POLB: variants seen among roughly 807,000 people sequenced by gnomAD.
POLB encodes DNA polymerase beta, also known as 5'-dRP lyase.
POLB carries 37 observed loss-of-function variants against 52.7 expected under a neutral mutation model. The observed-to-expected ratio is 0.70, with a 90% confidence interval of 0.54 to 0.92. The LOEUF is 0.92. POLB is among the 40% of genes least tolerant of loss of function. POLB has a pLI of 0.00. For synonymous variants in POLB, 138 were observed against 131.3 expected (o/e 1.05, Z -0.35); for missense variants, 313 against 400.8 (o/e 0.78, Z 1.87).
intron 4 of POLB, among the ~76,000 whole-genome samples, chr8:42,349,612 T>G (rs1822847215): frequency 1.3e-5 from 2 of 152,146 alleles, no homozygotes; most frequent in Admixed American, 6.5e-5. Flanking sequence ...ATGGTCTCGA[T>G]CTCCTGACCT....
chr8:42,342,723 A>G, intron 2 of POLB: 3 of 412,182 alleles, frequency 7.3e-6, no homozygotes, highest in South Asian at 7.1e-5. Context: ...GGCCAGGCAC[A>G]GTGGCTCACG....
intron 3 of POLB, among the ~76,000 whole-genome samples, chr8:42,346,732 CATT>C (rs1320186798): frequency 6.6e-6 from 1 of 152,102 alleles, no homozygotes; most frequent in African/African-American, 2.4e-5. Context: ...AGAGTCATAA[CATT>C]ACCATAAATC....
chr8:42,346,627 C>T (rs1056132828), intron 3 of POLB, among the ~76,000 whole-genome samples: 1 of 152,026 alleles, frequency 6.6e-6, no homozygotes, highest in Non-Finnish European at 1.5e-5. Flanking sequence ...CTCTTGGGCT[C>T]AAGTGATCCT....
intron 4 of POLB, 27 bp from the exon 5 acceptor site, chr8:42,349,980 A>C (rs768988358): frequency 6.6e-7 from 1 of 1,512,018 alleles, no homozygotes; most frequent in Non-Finnish European, 9.2e-7. Flanking sequence ...TTCCTAAATC[A>C]TTGTTAGACT....
chr8:42,352,540 T>G lies in POLB; in HGVS notation c.342T>G (p.Phe114Leu). The G allele has an allele frequency of 6.2e-7, 1 of 1,602,626 alleles. No homozygotes were observed. The highest frequency in any genetic ancestry group is 8.5e-7 in the Non-Finnish European group (1 of 1,169,608). Residue 114 changes from phenylalanine (F) to leucine (L), a missense_variant, in exon 6 of 14, where the codon TTT becomes TTG. Physicochemically the swap from Phe to Leu is conservative, Grantham distance 22. Transcript: ENST00000265421. ...SGIGPSAARK[F>L]VDEGIKTLED... ...GTAGTCCATCTGCTGCAAGGAAGTT[T>G]GTAGATGAAGGAATTAAAACACTAG...
chr8:42,350,075 A>ATT lies in POLB; in HGVS notation c.320+15_320+16dup. On this transcript the variant is annotated intron_variant, in intron 5 of 13. Coordinates refer to ENST00000265421, the MANE Select transcript of POLB (RefSeq NM_002690.3). ...GAGTTAGTGGCATTGGGTAAGAACT[A>ATT]TTTTTTAAGCAGACACAATCGTCAG... is the stretch of plus-strand genomic sequence containing the variant. 3 of 1,552,284 alleles carry ATT rather than the reference A, an allele frequency of 1.9e-6. No homozygotes were observed. Among genetic ancestry groups the ATT allele is most frequent in the Non-Finnish European group, 2.7e-6 (3 of 1,123,644 alleles).
At chr8:42,360,109 G>A (rs1381731768) in intron 9 of POLB, among the ~76,000 whole-genome samples, 5 of 132,346 alleles carry the variant, frequency 3.8e-5, no homozygotes, top group Admixed American at 2.3e-4. Flanking sequence ...CACCATGCCC[G>A]GCTAATTTTT....
At position 42,338,622 on chromosome 8, in the gene POLB, G is replaced by T; in HGVS notation, c.-3G>T. ...ACTCTGGGGTTCTCGGGTGCAGGCC[G>T]CCATGAGCAAACGGAAGGCGCCGCA... On this transcript the variant is annotated 5_prime_UTR_variant, in exon 1 of 14. Coordinates refer to ENST00000265421, the MANE Select transcript of POLB (RefSeq NM_002690.3). 4 of 1,613,824 alleles carry T rather than the reference G, an allele frequency of 2.5e-6. No homozygotes were observed. Among genetic ancestry groups the T allele is most frequent in the Non-Finnish European group, 3.4e-6 (4 of 1,179,684 alleles).
In POLB at chr8:42,357,340, T is replaced by TA. The variant is rs767234005; in HGVS notation, c.504dup (p.Val169SerfsTer4). On this transcript the variant is annotated frameshift_variant, in exon 9 of 14. Transcript: ENST00000265421. LOFTEE classifies it high-confidence loss of function. Reference sequence around the variant, plus strand: ...ATTAGGATATTGTACTAAATGAAGTTAAAAAAGTGGATTCTGAATACATTG... The same window carrying TA: ...ATTAGGATATTGTACTAAATGAAGTTAAAAAAAGTGGATTCTGAATACATTG... 3 of 1,576,016 alleles carry TA rather than the reference T, an allele frequency of 1.9e-6. No individual in the cohort carries two copies. The highest frequency in any genetic ancestry group is 2.6e-6 in the Non-Finnish European group (3 of 1,145,878).
In POLB at chr8:42,371,600, A is replaced by C. The variant is rs768598819; in HGVS notation, c.951A>C (p.Lys317Asn). ...AGEPLPVDSE[K>N]DIFDYIQWKY... is the part of the protein sequence containing the mutation. ...AACCCCTGCCAGTGGATAGTGAAAA[A>C]GACATCTTTGATTACATCCAGTGGA... Residue 317 changes from lysine (K) to asparagine (N), a missense_variant, in exon 14 of 14, where the codon AAA becomes AAC. Lys to Asn is a moderately conservative substitution (Grantham distance 94, BLOSUM62 0). This residue lies in a region of POLB where 246 missense variants were observed against 297.6 expected (regional missense o/e 0.83). Transcript: ENST00000265421. 1 of 1,612,952 alleles carries C rather than the reference A, an allele frequency of 6.2e-7. No individual in the cohort carries two copies. Among genetic ancestry groups the C allele is most frequent in the African/African-American group, 1.3e-5 (1 of 74,884 alleles).
chr8:42,342,101 T>C, intron 2 of POLB: 1 of 1,196,208 alleles, frequency 8.4e-7, no homozygotes, highest in Admixed American at 1.7e-5. Context: ...TTCAGAATCA[T>C]AACCAGGGAA....
intron 2 of POLB, among the ~76,000 whole-genome samples, chr8:42,343,649 T>C (rs755178729): frequency 6.6e-6 from 1 of 152,004 alleles, no homozygotes. Context: ...AATGATGATT[T>C]CTACTTACTC....
At chr8:42,341,566 T>G (rs1279158803) in intron 2 of POLB, among the ~76,000 whole-genome samples, 1 of 152,208 alleles carries the variant, frequency 6.6e-6, no homozygotes, top group South Asian at 2.1e-4. Flanking sequence ...ACATTTTGCA[T>G]TGAAATTATA....
chr8:42,345,165 C>A (rs1282547786), intron 3 of POLB, 146 bp downstream of exon 3: 9 of 610,554 alleles, frequency 1.5e-5, no homozygotes, highest in Non-Finnish European at 2.7e-5. Flanking sequence ...AACATTCATG[C>A]TGTTTCATAC....
At chr8:42,354,706 G>C (rs1029718924) in intron 6 of POLB, among the ~76,000 whole-genome samples, 1 of 151,952 alleles carries the variant, frequency 6.6e-6, no homozygotes, top group East Asian at 1.9e-4. Context: ...ACCATGCCTG[G>C]CTAATTTTTG....
chr8:42,348,747 A>G (rs1403190088), intron 3 of POLB, among the ~76,000 whole-genome samples: 1 of 152,226 alleles, frequency 6.6e-6, no homozygotes, highest in East Asian at 1.9e-4. Flanking sequence ...TTATGCATTT[A>G]TACAATGATA....
In POLB at chr8:42,371,631, C is replaced by A. The variant is rs143942282; in HGVS notation, c.982C>A (p.Arg328=). 128 of 1,611,712 alleles carry A rather than the reference C, an allele frequency of 7.9e-5. 2 individuals carry two copies. The African/African-American group carries it at 1.3e-3, about 17-fold the overall frequency. ...CTTTGATTACATCCAGTGGAAATAC[C>A]GGGAACCCAAGGACCGGAGCGAATG... ...DIFDYIQWKY[R]EPKDRSE Residue 328 remains arginine (R), a synonymous_variant, in exon 14 of 14, where the codon CGG becomes AGG. Transcript: ENST00000265421.
In POLB at chr8:42,344,982, C is replaced by G; in HGVS notation, c.149C>G (p.Pro50Arg). The G allele has an allele frequency of 6.2e-7, 1 of 1,608,920 alleles. No individual in the cohort carries two copies. The highest frequency in any genetic ancestry group is 8.5e-7 in the Non-Finnish European group (1 of 1,175,394). ...GCAGCATCTGTTATAGCAAAATACC[C>G]ACACAAAATAAAGAGTGGAGCTGAA... Reference protein sequence around the residue: ...RKAASVIAKYPHKIKSGAEAK... With the variant: ...RKAASVIAKYRHKIKSGAEAK... Residue 50 changes from proline (P) to arginine (R), a missense_variant, in exon 3 of 14, where the codon CCA (proline) becomes CGA (arginine). This residue lies in a region of POLB where 54 missense variants were observed against 63.4 expected (regional missense o/e 0.85). Coordinates refer to ENST00000265421, the MANE Select transcript of POLB (RefSeq NM_002690.3).
chr8:42,338,990 C>T (rs752763993), intron 1 of POLB, 22 bp from the exon 2 acceptor site: 1 of 1,607,696 alleles, frequency 6.2e-7, no homozygotes, highest in Non-Finnish European at 8.5e-7. Context: ...CTTGTTCACC[C>T]GAGCCTTCTG....
Sources: gnomAD v4.1 joint callset for allele counts (sites outside exome capture counted in the v4.1 genomes callset) on GRCh38, gnomAD v4.1.1 for gene constraint, gnomAD v4.1.1 regional missense constraint, MANE v1.5 for transcripts, NCBI Gene and HGNC (gene_info 2026-07-23, HGNC 2026-07-21) for gene names.